Variants in ALDH18A1 observed in about 807,000 individuals in gnomAD.
The protein encoded by ALDH18A1 is delta-1-pyrroline-5-carboxylate synthase.
ALDH18A1 carries 44 observed loss-of-function variants against 88.8 expected under a neutral mutation model. That is an observed-to-expected ratio of 0.50 (90% CI 0.39 to 0.64). ALDH18A1 has a LOEUF of 0.64. Ranked by LOEUF, ALDH18A1 falls within the 30% of genes least tolerant of loss-of-function variation. The pLI, the probability that ALDH18A1 is intolerant of heterozygous loss-of-function variation, is 0.00. For missense variants in ALDH18A1, 782 were observed against 1,009.5 expected (o/e 0.77, Z 3.05); for synonymous variants, 331 against 372.1 (o/e 0.89, Z 1.27).
At chr10:95,653,979 C>T (rs1224483713) in intron 1 of ALDH18A1, among the ~76,000 whole-genome samples, 1 of 152,138 alleles carries the variant, frequency 6.6e-6, no homozygotes, top group Non-Finnish European at 1.5e-5. Context: ...CTACAACTGG[C>T]TAACATCTTA....
At chr10:95,628,064 G>T (rs1283601304) in intron 8 of ALDH18A1, among the ~76,000 whole-genome samples, 1 of 152,142 alleles carries the variant, frequency 6.6e-6, no homozygotes, top group Non-Finnish European at 1.5e-5. Flanking sequence ...ATTTCATCAA[G>T]AAATATTTGA....
chr10:95,636,462 A>ATATT (rs1396014792), intron 5 of ALDH18A1, among the ~76,000 whole-genome samples: 1 of 152,222 alleles, frequency 6.6e-6, no homozygotes, highest in East Asian at 1.9e-4. Flanking sequence ...GAAACAATGT[A>ATATT]GAAAGAAGGT....
chr10:95,643,290 C>T (rs969199956), intron 2 of ALDH18A1, 84 bp from the exon 3 acceptor site: 2 of 1,348,962 alleles, frequency 1.5e-6, no homozygotes, highest in Non-Finnish European at 2.1e-6. Flanking sequence ...CAGTATTAAC[C>T]AGTTTAGATA....
At chr10:95,636,441 T>C (rs917816471) in intron 5 of ALDH18A1, among the ~76,000 whole-genome samples, 2 of 152,154 alleles carry the variant, frequency 1.3e-5, no homozygotes, top group Admixed American at 6.5e-5. Flanking sequence ...TCAGGAGATT[T>C]AGGTAAAAAT....
At position 95,611,383 on chromosome 10, in the gene ALDH18A1, C is replaced by A; in HGVS notation, c.1983G>T (p.Val661=). The change falls in exon 16 of 18, where the codon GTG becomes GTT. Residue 661 remains valine, a synonymous_variant. Coordinates refer to ENST00000371224, the MANE Select transcript of ALDH18A1 (RefSeq NM_002860.4). ...ASYLTFSPSE[V]KSLRTEYGDL... ...CCCCATACTCAGTTCGGAGTGACTT[C>A]ACTTCGGAGGGGCTGAAGGTCAGAT... 1 of 1,614,194 alleles carries A rather than the reference C, an allele frequency of 6.2e-7. No homozygotes were observed. The highest frequency in any genetic ancestry group is 8.5e-7 in the Non-Finnish European group (1 of 1,180,034).
intron 12 of ALDH18A1, among the ~76,000 whole-genome samples, chr10:95,618,009 G>A (rs1278054616): frequency 6.6e-6 from 1 of 152,170 alleles, no homozygotes; most frequent in Non-Finnish European, 1.5e-5. Context: ...GGGGATGTCA[G>A]AGAGTACCCT....
chr10:95,635,098 G>C (rs555647952), intron 5 of ALDH18A1, among the ~76,000 whole-genome samples: 1 of 152,152 alleles, frequency 6.6e-6, no homozygotes, highest in Non-Finnish European at 1.5e-5. Context: ...CCTCTGAAAT[G>C]CCAGAGTCTA....
chr10:95,611,124 T>C, intron 16 of ALDH18A1, 132 bp downstream of exon 16: 2 of 1,066,064 alleles, frequency 1.9e-6, no homozygotes, highest in South Asian at 1.4e-5. Context: ...AAGTACCAAA[T>C]GCAACCACTA....
intron 5 of ALDH18A1, among the ~76,000 whole-genome samples, chr10:95,636,794 A>C (rs1357476377): frequency 6.6e-6 from 1 of 152,250 alleles, no homozygotes; most frequent in Non-Finnish European, 1.5e-5. Flanking sequence ...ATCCTAAGTT[A>C]TTAGTGTAAC....
At chr10:95,645,504 C>T (rs367553782) in intron 2 of ALDH18A1, among the ~76,000 whole-genome samples, 3 of 152,280 alleles carry the variant, frequency 2.0e-5, no homozygotes, top group East Asian at 3.9e-4. Context: ...GTGGGTAAAG[C>T]AGGCAGGACC....
At chr10:95,609,766 T>C (rs2046513207) in intron 17 of ALDH18A1, among the ~76,000 whole-genome samples, 1 of 86,918 alleles carries the variant, frequency 1.2e-5, no homozygotes, top group South Asian at 3.6e-4. Flanking sequence ...GAAGTCTGTC[T>C]CTATTTTTTT....
At chr10:95,654,766 TATG>T (rs1472226970) in intron 1 of ALDH18A1, among the ~76,000 whole-genome samples, 1 of 151,608 alleles carries the variant, frequency 6.6e-6, no homozygotes, top group Non-Finnish European at 1.5e-5. Context: ...AACACTGAAG[TATG>T]ATTTTAGCAC....
intron 2 of ALDH18A1, among the ~76,000 whole-genome samples, chr10:95,644,215 C>T (rs1407686360): frequency 1.3e-5 from 2 of 152,196 alleles, no homozygotes; most frequent in Admixed American, 6.5e-5. Context: ...ATGAATAATA[C>T]AAAATCTCAA....
At chr10:95,620,739 A>G (rs959361223) in intron 12 of ALDH18A1, among the ~76,000 whole-genome samples, 1 of 146,084 alleles carries the variant, frequency 6.8e-6, no homozygotes, top group African/African-American at 2.5e-5. Context: ...GAACTGAACA[A>G]TGAGAACACT....
intron 3 of ALDH18A1, among the ~76,000 whole-genome samples, chr10:95,640,113 TG>T (rs1187196591): frequency 6.6e-6 from 1 of 152,194 alleles, no homozygotes; most frequent in African/African-American, 2.4e-5. Flanking sequence ...ATTTATAATC[TG>T]GAATAATTCC....
intron 2 of ALDH18A1, among the ~76,000 whole-genome samples, 161 bp from the exon 3 acceptor site, chr10:95,643,367 C>T (rs187573173): frequency 1.3e-5 from 2 of 152,258 alleles, no homozygotes; most frequent in Admixed American, 6.5e-5. Context: ...CTCTATCTAG[C>T]GTATTCTTAT....
intron 2 of ALDH18A1, among the ~76,000 whole-genome samples, chr10:95,647,981 T>A (rs61871793): frequency 1.3e-5 from 2 of 152,122 alleles, no homozygotes; most frequent in Non-Finnish European, 2.9e-5. Context: ...TCCTTTGTAA[T>A]AAATTGGTAA....
intron 2 of ALDH18A1, among the ~76,000 whole-genome samples, chr10:95,652,815 C>G (rs2097912372): frequency 6.6e-6 from 1 of 152,116 alleles, no homozygotes; most frequent in Admixed American, 6.5e-5. Context: ...GAGACTACCT[C>G]TTTGCCTCCT....
In ALDH18A1 at chr10:95,637,180, C is replaced by G; in HGVS notation, c.471G>C (p.Glu157Asp). The G allele has an allele frequency of 6.2e-7, 1 of 1,614,174 alleles. No individual in the cohort carries two copies. The highest frequency in any genetic ancestry group is 8.5e-7 in the Non-Finnish European group (1 of 1,180,036). Reference protein sequence around the residue: ...QLKEMAIPVLEARACAAAGQS... With the variant: ...QLKEMAIPVLDARACAAAGQS... ...GTCCGGCAGCTGCACAGGCTCGTGCCTCTAAGACTGGAATTGCCTGTAATA... is the reference window on the plus strand; with the variant it reads ...GTCCGGCAGCTGCACAGGCTCGTGCGTCTAAGACTGGAATTGCCTGTAATA... The change falls in exon 5 of 18, where the codon GAG becomes GAC. Residue 157 changes from glutamate (E) to aspartate (D), a missense_variant. By Grantham distance (45) the Glu-to-Asp change is conservative. This residue lies in a region of ALDH18A1 where 132 missense variants were observed against 255.5 expected (regional missense o/e 0.52). Coordinates refer to ENST00000371224, the MANE Select transcript of ALDH18A1 (RefSeq NM_002860.4).
Sources: allele counts gnomAD v4.1 joint callset (sites outside exome capture counted in the v4.1 genomes callset), GRCh38; gene constraint gnomAD v4.1.1; regional missense constraint gnomAD v4.1.1; transcripts MANE v1.5; gene names NCBI Gene and HGNC (gene_info 2026-07-23, HGNC 2026-07-21).